Variants in CTNNA2 observed in about 807,000 individuals in gnomAD.
CTNNA2 encodes catenin alpha-2.
In CTNNA2, 42 loss-of-function variants were observed where a neutral mutation model predicts 101.0. The ratio of observed to expected loss-of-function variants is 0.42; its 90% CI spans 0.32 to 0.54. CTNNA2 has a LOEUF of 0.54. Ranked by LOEUF, CTNNA2 falls within the 20% of genes least tolerant of loss-of-function variation. The pLI, the probability that CTNNA2 is intolerant of heterozygous loss-of-function variation, is 0.14. For synonymous variants in CTNNA2, 450 were observed against 456.4 expected (o/e 0.99, Z 0.18); for missense variants, 871 against 1,223.1 (o/e 0.71, Z 4.29).
intron 7 of CTNNA2, among the ~76,000 whole-genome samples, chr2:79,961,754 A>G (rs1390592578): frequency 2.7e-5 from 4 of 148,770 alleles, no homozygotes; most frequent in African/African-American, 5.0e-5. Context: ...CCCGGGGGGC[A>G]GAGCCTGCGG....
chr2:79,395,393 C>T (rs1678219042), intron 4 of CTNNA2, among the ~76,000 whole-genome samples: 5 of 151,844 alleles, frequency 3.3e-5, no homozygotes, highest in Admixed American at 3.3e-4. Context: ...CTTCCACCCT[C>T]CCCCCAACCC....
chr2:80,382,448 G>A (rs959223426), intron 7 of CTNNA2, among the ~76,000 whole-genome samples: 6 of 152,068 alleles, frequency 3.9e-5, no homozygotes, highest in South Asian at 2.1e-4. Context: ...GTCTGACATC[G>A]GAAATTCAAT....
At position 80,411,116 on chromosome 2, in the gene CTNNA2, T is replaced by C. The variant is rs573505612; in HGVS notation, c.1138-8333T>C. ...TGGGAGAAGTCTCTTGGCCCTTGGCTTGAACCCAGTTAGAACCCTAAGAAA... is the reference window on the plus strand; with the variant it reads ...TGGGAGAAGTCTCTTGGCCCTTGGCCTGAACCCAGTTAGAACCCTAAGAAA... On this transcript the variant is annotated intron_variant, in intron 8 of 18. Transcript: ENST00000402739. 4.5e-4 allele frequency among the ~76,000 whole-genome samples: 69 copies of C among 152,354 alleles called. No homozygotes were observed. In the Middle Eastern group the frequency reaches 0.014, roughly 30 times the overall value.
intron 4 of CTNNA2, among the ~76,000 whole-genome samples, chr2:79,463,327 G>C (rs1235618794): frequency 6.7e-6 from 1 of 149,200 alleles, no homozygotes; most frequent in Non-Finnish European, 1.5e-5. Flanking sequence ...AGAATAGCTT[G>C]AACCCAGGAG....
At chr2:79,652,741 A>G (rs1429271705) in intron 2 of CTNNA2, among the ~76,000 whole-genome samples, 2 of 152,254 alleles carry the variant, frequency 1.3e-5, no homozygotes, top group East Asian at 3.9e-4. Flanking sequence ...TTTGAGGACC[A>G]TTATTCAGTC....
chr2:80,581,898 C>G (rs1353363682), intron 14 of CTNNA2, 79 bp downstream of exon 14: 2 of 830,382 alleles, frequency 2.4e-6, no homozygotes, highest in Middle Eastern at 2.6e-4. Flanking sequence ...TTCTAAACTC[C>G]AGACACGTGG....
intron 7 of CTNNA2, among the ~76,000 whole-genome samples, chr2:80,036,005 G>GA (rs1558748166): frequency 6.6e-6 from 1 of 152,198 alleles, no homozygotes; most frequent in East Asian, 1.9e-4. Flanking sequence ...CAAGTCTTTT[G>GA]ATTCAGTCCC....
At chr2:80,338,687 A>G (rs994963317) in intron 7 of CTNNA2, among the ~76,000 whole-genome samples, 1 of 152,200 alleles carries the variant, frequency 6.6e-6, no homozygotes, top group Non-Finnish European at 1.5e-5. Context: ...TATTTTTGCC[A>G]AAGCCAGTCC....
chr2:79,277,878 C>A (rs1204034428), intron 2 of CTNNA2, among the ~76,000 whole-genome samples: 5 of 152,086 alleles, frequency 3.3e-5, no homozygotes, highest in African/African-American at 1.2e-4. Flanking sequence ...ACCTAATCTG[C>A]ATTTTTCAAA....
chr2:79,818,980 T>TTC (rs1677793423), intron 3 of CTNNA2, among the ~76,000 whole-genome samples: 1 of 85,128 alleles, frequency 1.2e-5, no homozygotes, highest in African/African-American at 3.9e-5. Context: ...TTCTTTTTCT[T>TTC]TTTTTTTTTT....
intron 9 of CTNNA2, among the ~76,000 whole-genome samples, chr2:80,459,282 G>T (rs577408594): frequency 6.6e-6 from 1 of 152,168 alleles, no homozygotes; most frequent in African/African-American, 2.4e-5. Flanking sequence ...CATTAGAAAA[G>T]CTCCCTACGT....
At chr2:80,644,670 TA>T (rs2149865753) in intron 18 of CTNNA2, among the ~76,000 whole-genome samples, 1 of 152,320 alleles carries the variant, frequency 6.6e-6, no homozygotes, top group South Asian at 2.1e-4. Context: ...CAACTTTTTT[TA>T]AAAGTCAAAT....
chr2:79,625,132 A>T (rs1331074113), intron 1 of CTNNA2, among the ~76,000 whole-genome samples: 1 of 152,162 alleles, frequency 6.6e-6, no homozygotes, highest in Non-Finnish European at 1.5e-5. Flanking sequence ...TAAAATCTCA[A>T]AAGATAGGAA....
At chr2:80,631,898 G>A (rs1281128279) in intron 18 of CTNNA2, among the ~76,000 whole-genome samples, 1 of 152,030 alleles carries the variant, frequency 6.6e-6, no homozygotes, top group Non-Finnish European at 1.5e-5. Context: ...TGTTGTTGTT[G>A]AGAATTAAGT....
At chr2:80,166,711 T>C (rs1338345664) in intron 7 of CTNNA2, among the ~76,000 whole-genome samples, 1 of 152,146 alleles carries the variant, frequency 6.6e-6, no homozygotes, top group African/African-American at 2.4e-5. Context: ...GTGATCTGTG[T>C]CTGAAGCTGG....
chr2:79,924,492 G>C (rs1381575976), intron 7 of CTNNA2, among the ~76,000 whole-genome samples: 1 of 152,030 alleles, frequency 6.6e-6, no homozygotes, highest in Non-Finnish European at 1.5e-5. Context: ...AATTTTAATG[G>C]AATTTCAGAA....
chr2:80,267,095 G>A (rs1470481777), intron 7 of CTNNA2, among the ~76,000 whole-genome samples: 1 of 152,116 alleles, frequency 6.6e-6, no homozygotes, highest in Non-Finnish European at 1.5e-5. Context: ...GAGGGACACC[G>A]CCTCAAGACA....
chr2:79,398,881 A>T (rs767507258), intron 4 of CTNNA2, among the ~76,000 whole-genome samples: 1 of 151,896 alleles, frequency 6.6e-6, no homozygotes, highest in Non-Finnish European at 1.5e-5. Flanking sequence ...GTTGAATCCT[A>T]TAAAAACAAT....
chr2:80,510,969 G>C (rs1360740855), intron 9 of CTNNA2, among the ~76,000 whole-genome samples: 2 of 150,578 alleles, frequency 1.3e-5, no homozygotes, highest in Non-Finnish European at 3.0e-5. Flanking sequence ...AAGAGACACT[G>C]TATTGCCCTT....
Sources: gnomAD v4.1 joint callset for allele counts (sites outside exome capture counted in the v4.1 genomes callset) on GRCh38, gnomAD v4.1.1 for gene constraint, MANE v1.5 for transcripts, NCBI Gene and HGNC (gene_info 2026-07-23, HGNC 2026-07-21) for gene names.